FAM174A: variants seen among roughly 807,000 people sequenced by gnomAD.
FAM174A encodes membrane protein FAM174A.
A neutral mutation model predicts 14.3 loss-of-function variants in FAM174A; 14 were observed. That is an observed-to-expected ratio of 0.98 (90% CI 0.65 to 1.53). FAM174A has a LOEUF of 1.53. Ranked by LOEUF, FAM174A falls within the 40% of genes most tolerant of loss-of-function variation. FAM174A has a pLI of 0.00. For synonymous variants in FAM174A, 108 were observed against 111.4 expected (o/e 0.97, Z 0.19); for missense variants, 241 against 249.6 (o/e 0.97, Z 0.23).
At chr5:100,544,665 G>A (rs547730873) in intron 1 of FAM174A, among the ~76,000 whole-genome samples, 1 of 152,206 alleles carries the variant, frequency 6.6e-6, no homozygotes, top group East Asian at 1.9e-4. Context: ...CTTGTGCAGA[G>A]AAGTCAGTTT....
At chr5:100,585,437 A>G (rs1355572500) in intron 2 of FAM174A, among the ~76,000 whole-genome samples, 1 of 152,160 alleles carries the variant, frequency 6.6e-6, no homozygotes, top group Non-Finnish European at 1.5e-5. Flanking sequence ...TATTTGAGAC[A>G]GAGTCCTGCT....
At chr5:100,567,638 C>A (rs1266419634) in intron 2 of FAM174A, among the ~76,000 whole-genome samples, 1 of 151,808 alleles carries the variant, frequency 6.6e-6, no homozygotes, top group Non-Finnish European at 1.5e-5. Flanking sequence ...AGCATTTTAT[C>A]TTATTCTCTT....
intron 1 of FAM174A, among the ~76,000 whole-genome samples, chr5:100,557,294 T>C (rs1227026335): frequency 6.6e-6 from 1 of 152,172 alleles, no homozygotes; most frequent in Admixed American, 6.5e-5. Context: ...GCCCACTTGA[T>C]CTTGGTGGAT....
chr5:100,555,461 G>A (rs1377814182), intron 1 of FAM174A, among the ~76,000 whole-genome samples: 2 of 152,086 alleles, frequency 1.3e-5, no homozygotes, highest in Non-Finnish European at 1.5e-5. Flanking sequence ...GGATGGCTGG[G>A]TCAAATGGTA....
chr5:100,552,832 C>T (rs1403447671), intron 1 of FAM174A, among the ~76,000 whole-genome samples: 1 of 152,054 alleles, frequency 6.6e-6, no homozygotes, highest in Non-Finnish European at 1.5e-5. Flanking sequence ...ACCTAGAAAG[C>T]ATCTGACCAG....
intron 2 of FAM174A, among the ~76,000 whole-genome samples, chr5:100,577,353 C>A (rs574148590): frequency 1.3e-5 from 2 of 151,964 alleles, no homozygotes; most frequent in African/African-American, 4.8e-5. Context: ...TAATTTCTGC[C>A]AAATATGTAA....
chr5:100,554,557 G>A (rs529685209), intron 1 of FAM174A, among the ~76,000 whole-genome samples: 9 of 151,958 alleles, frequency 5.9e-5, no homozygotes, highest in African/African-American at 1.7e-4. Context: ...TGATCTGCCC[G>A]CCTCAGCCTC....
At chr5:100,570,066 CA>C (rs1746746481) in intron 2 of FAM174A, among the ~76,000 whole-genome samples, 1 of 151,880 alleles carries the variant, frequency 6.6e-6, no homozygotes, top group Admixed American at 6.6e-5. Context: ...GAAACAATAT[CA>C]AACATCATTT....
intron 1 of FAM174A, among the ~76,000 whole-genome samples, chr5:100,544,365 C>T (rs1383617231): frequency 6.6e-6 from 1 of 151,704 alleles, no homozygotes; most frequent in South Asian, 2.1e-4. Flanking sequence ...TGCATTTGTA[C>T]CCCTGCATTT....
rs371661531 is a variant in FAM174A at position 100,546,305 on chromosome 5, G to A, written c.434+10341G>A. On this transcript the variant is annotated intron_variant, in intron 1 of 2. Coordinates refer to ENST00000312637, the MANE Select transcript of FAM174A (RefSeq NM_198507.3). ...TTTCAAATGCCTTAACCTAGAAAAGGCACAGTTACATCTGTTCATGTTTTA... is the reference window on the plus strand; with the variant it reads ...TTTCAAATGCCTTAACCTAGAAAAGACACAGTTACATCTGTTCATGTTTTA... Among the ~76,000 whole-genome samples, 3 of 152,242 alleles carry A rather than the reference G, an allele frequency of 2.0e-5. No individual in the cohort carries two copies. The South Asian group carries it at 6.2e-4, about 32-fold the overall frequency.
Position 100,535,456 on chromosome 5 carries a change from G to A in FAM174A, c.-75G>A. 1.3e-6 allele frequency: 2 copies of A among 1,522,896 alleles called. No individual in the cohort carries two copies. The highest frequency in any genetic ancestry group is 1.4e-5 in the African/African-American group (1 of 73,244). The allele number at this position is 1,522,896 out of a possible 1,614,324, so 94.3% of individuals were successfully genotyped here. On this transcript the variant is annotated 5_prime_UTR_variant, in exon 1 of 3. Transcript: ENST00000312637. The stretch of plus-strand genomic sequence containing the variant: ...GGTCACCTCTGCTTCATTCTCCACC[G>A]CGCCTATGGTCCCTCTTGGAGCCAG...
At chr5:100,546,225 A>G (rs1561313065) in intron 1 of FAM174A, among the ~76,000 whole-genome samples, 3 of 152,206 alleles carry the variant, frequency 2.0e-5, no homozygotes. Flanking sequence ...ATGCCAACAT[A>G]TGTCCTTCAC....
At chr5:100,565,073 G>A (rs1361432895) in intron 2 of FAM174A, among the ~76,000 whole-genome samples, 1 of 147,620 alleles carries the variant, frequency 6.8e-6, no homozygotes, top group East Asian at 1.9e-4. Context: ...GCAAACCGCA[G>A]GCCAATACTC....
intron 1 of FAM174A, among the ~76,000 whole-genome samples, chr5:100,556,751 A>G (rs545875149): frequency 2.0e-5 from 3 of 152,202 alleles, no homozygotes; most frequent in African/African-American, 7.2e-5. Flanking sequence ...TTTGTCTGTT[A>G]TTGATGTAGA....
chr5:100,555,876 C>A (rs1746366851), intron 1 of FAM174A, among the ~76,000 whole-genome samples: 1 of 151,842 alleles, frequency 6.6e-6, no homozygotes, highest in Non-Finnish European at 1.5e-5. Context: ...CAAAAATTTT[C>A]TCCCATTCTA....
intron 1 of FAM174A, among the ~76,000 whole-genome samples, chr5:100,549,551 T>C (rs758554767): frequency 1.3e-5 from 2 of 151,668 alleles, no homozygotes; most frequent in Admixed American, 6.6e-5. Context: ...AGAGAAAAGG[T>C]ATCTATCAAG....
chr5:100,578,229 A>G (rs1746940228), intron 2 of FAM174A, among the ~76,000 whole-genome samples: 1 of 152,164 alleles, frequency 6.6e-6, no homozygotes, highest in Admixed American at 6.5e-5. Context: ...ATAATAAAAT[A>G]AGGAGCAACA....
chr5:100,536,586 C>T (rs906369494), intron 1 of FAM174A, among the ~76,000 whole-genome samples: 18 of 152,144 alleles, frequency 1.2e-4, no homozygotes, highest in Non-Finnish European at 2.5e-4. Context: ...GGCAGAGAAT[C>T]ACCTTCCTGA....
intron 2 of FAM174A, among the ~76,000 whole-genome samples, chr5:100,569,300 A>G (rs954194353): frequency 6.6e-6 from 1 of 151,830 alleles, no homozygotes; most frequent in Admixed American, 6.6e-5. Flanking sequence ...ACAATAGAGT[A>G]ATATGTAGCT....
Sources: allele counts gnomAD v4.1 joint callset (sites outside exome capture counted in the v4.1 genomes callset), GRCh38; gene constraint gnomAD v4.1.1; transcripts MANE v1.5; gene names NCBI Gene and HGNC (gene_info 2026-07-23, HGNC 2026-07-21).